DDX5: variants seen among roughly 807,000 people sequenced by gnomAD.
DDX5 encodes DEAD-box helicase 5.
Under a neutral mutation model 68.6 loss-of-function variants are expected in DDX5, and 6 were observed. That is an observed-to-expected ratio of 0.09 (90% CI 0.05 to 0.17). The LOEUF (loss-of-function observed/expected upper bound fraction) is 0.17. DDX5 is among the 10% of genes least tolerant of loss of function. The pLI, the probability that DDX5 is intolerant of heterozygous loss-of-function variation, is 1.00. For missense variants in DDX5, 499 were observed against 756.1 expected, an observed-to-expected ratio of 0.66 and a Z score of 3.99; for synonymous variants, 350 against 247.0, an observed-to-expected ratio of 1.42 and a Z score of -3.91.
intron 7 of DDX5, 24 bp from the exon 8 acceptor site, chr17:64,503,122 T>A (rs1555671419): frequency 6.2e-7 from 1 of 1,611,322 alleles, no homozygotes; most frequent in South Asian, 1.1e-5. Flanking sequence ...GGGGGAAAAA[T>A]TAGTATCAGA....
At chr17:64,504,388 C>A (rs1489446971) in intron 2 of DDX5, 70 bp from the exon 3 acceptor site, 1 of 1,316,446 alleles carries the variant, frequency 7.6e-7, no homozygotes, top group Non-Finnish European at 1.1e-6. Context: ...AATTGATAAG[C>A]CCCTAACTTC....
Position 64,499,570 on chromosome 17 carries a change from A to G in DDX5, c.*353T>C, listed in dbSNP as rs377133060. On this transcript the variant is annotated 3_prime_UTR_variant, in exon 13 of 13. Coordinates refer to ENST00000225792, the MANE Select transcript of DDX5 (RefSeq NM_004396.5). ...ACAAAAAAAAAACCAGACCATCTTA[A>G]GCAAAGTTTTACATGACATTATATA... The G allele has an allele frequency of 4.4e-3, 1,063 of 242,532 alleles. 1 individual carries two copies. Among genetic ancestry groups the G allele is most frequent in the Middle Eastern group, 0.011 (9 of 816 alleles). 15.0% of individuals were successfully genotyped at this position (242,532 alleles called of 1,614,324 possible).
At chr17:64,504,410 A>G in intron 2 of DDX5, 92 bp from the exon 3 acceptor site, 1 of 1,187,372 alleles carries the variant, frequency 8.4e-7, no homozygotes, top group South Asian at 1.3e-5. Flanking sequence ...TAATTTAGTA[A>G]CTAGTTTAAA....
At position 64,500,645 on chromosome 17, in the gene DDX5, T is replaced by C. The variant is rs781825945; in HGVS notation, c.1345A>G (p.Asn449Asp). The change falls in exon 12 of 13, where the codon AAC (asparagine) becomes GAC (aspartate). Residue 449 changes from asparagine (N) to aspartate (D), a missense_variant. This residue lies in a region of DDX5 where 21 missense variants were observed against 37.6 expected (regional missense o/e 0.56). Transcript: ENST00000225792. ...ATAAGGTCGCTCACTTGCTTTATGTTATTAGGTGTAAAGAAAGTGTATGCT... is the reference window on the plus strand; with the variant it reads ...ATAAGGTCGCTCACTTGCTTTATGTCATTAGGTGTAAAGAAAGTGTATGCT... ...GTAYTFFTPN[N>D]IKQVSDLISV... 2.5e-6 allele frequency: 4 copies of C among 1,614,218 alleles called. No individual in the cohort carries two copies. Among genetic ancestry groups the C allele is most frequent in the South Asian group, 1.1e-5 (1 of 91,080 alleles).
chr17:64,505,575 G>A (rs538322863), intron 1 of DDX5: 12 of 714,836 alleles, frequency 1.7e-5, no homozygotes, highest in African/African-American at 1.4e-4. Flanking sequence ...GCCGGGCGGG[G>A]TAACAAAGGC....
chr17:64,506,809 C>G (rs1555673002), upstream of DDX5: 2 of 571,482 alleles, frequency 3.5e-6, no homozygotes, highest in Non-Finnish European at 3.2e-6. Context: ...CTGATGTGGA[C>G]CGTCCGACCC....
rs915606248 is a variant in DDX5, at chr17:64,505,381, A to G, written c.45-539T>C. On this transcript the variant is annotated intron_variant, in intron 1 of 12. Transcript: ENST00000225792. Reference sequence around the variant, plus strand: ...GGGGAACGCCGCGGTAGAGCTCCGGATCAACGAATCAAAATTATATAACGC... The same window carrying G: ...GGGGAACGCCGCGGTAGAGCTCCGGGTCAACGAATCAAAATTATATAACGC... 3 of 461,976 alleles carry G rather than the reference A, an allele frequency of 6.5e-6. No homozygotes were observed. The East Asian group carries it at 1.1e-4, about 18-fold the overall frequency. 28.6% of individuals were successfully genotyped at this position (461,976 alleles called of 1,614,324 possible). A position where few individuals can be genotyped will look rare whatever the true frequency, so the allele number is the denominator to read the frequency against.
In DDX5 at chr17:64,504,089, T is replaced by C; in HGVS notation, c.335A>G (p.Gln112Arg). The C allele has an allele frequency of 1.2e-6, 2 of 1,614,160 alleles. No homozygotes were observed. The highest frequency in any genetic ancestry group is 1.1e-5 in the South Asian group (1 of 91,088). The change falls in exon 4 of 13, where the codon CAG becomes CGG. Residue 112 changes from glutamine (Q) to arginine (R), a missense_variant. Around this residue, in one of 5 missense-constraint regions of DDX5, gnomAD observed 140 missense variants for 135.7 expected, o/e 1.03. Transcript: ENST00000225792. Reference sequence around the variant, plus strand: ...AATAGCAGTGGGTTCAGTGAAATTCTGTCTTGCAATAACATCCATGACATT... The same window carrying C: ...AATAGCAGTGGGTTCAGTGAAATTCCGTCTTGCAATAACATCCATGACATT... The part of the protein sequence containing the change: ...PANVMDVIAR[Q>R]NFTEPTAIQA...
At chr17:64,502,671 C>T (rs1319239015) in intron 8 of DDX5, 122 bp from the exon 9 acceptor site, 18 of 781,660 alleles carry the variant, frequency 2.3e-5, no homozygotes, top group Non-Finnish European at 3.3e-5. Flanking sequence ...AGAGGAAACG[C>T]CTGCTAATCC....
intron 1 of DDX5, chr17:64,505,572 G>T: frequency 1.5e-6 from 1 of 685,774 alleles, no homozygotes; most frequent in South Asian, 1.7e-5. Flanking sequence ...TCCGCCGGGC[G>T]GGGTAACAAA....
chr17:64,506,019 G>GTGGCCCCCC, intron 1 of DDX5, 57 bp downstream of exon 1: 2 of 1,360,444 alleles, frequency 1.5e-6, no homozygotes, highest in Non-Finnish European at 2.0e-6. Context: ...CCGCCACCCT[G>GTGGCCCCCC]ACCCGCCCTC....
At chr17:64,505,507 T>C in intron 1 of DDX5, 1 of 594,476 alleles carries the variant, frequency 1.7e-6, no homozygotes, top group South Asian at 2.0e-5. Context: ...GCTTCCCCCT[T>C]TGTCTCGCAT....
chr17:64,503,445 G>A lies in DDX5; in HGVS notation c.634C>T (p.Arg212Cys), dbSNP rs782603313. ...YGGAPKGPQI[R>C]DLERGVEICI... The stretch of plus-strand genomic sequence containing the variant: ...CATTACATACCTCTCTCCAAATCAC[G>A]TATTTGTGGTCCCTTAGGAGCACCA... The change falls in exon 6 of 13, where the codon CGT becomes TGT. Residue 212 changes from arginine (R) to cysteine (C), a missense_variant. By Grantham distance (180) the Arg-to-Cys change is radical. Around this residue, in one of 5 missense-constraint regions of DDX5, gnomAD observed 141 missense variants for 279.8 expected, o/e 0.50. Coordinates refer to ENST00000225792, the MANE Select transcript of DDX5 (RefSeq NM_004396.5). 10 of 1,613,976 alleles carry A rather than the reference G, an allele frequency of 6.2e-6. No individual in the cohort carries two copies. Among genetic ancestry groups the A allele is most frequent in the East Asian group, 2.2e-5 (1 of 44,892 alleles).
Position 64,503,111 on chromosome 17 carries a change from G to A in DDX5, c.811-13C>T. The A allele has an allele frequency of 6.2e-7, 1 of 1,611,334 alleles. No homozygotes were observed. Reference sequence around the variant, plus strand: ...TTTGCCTATCAGGCTAATGGATTTTGGGGGGAAAAATTAGTATCAGACTCT... The same window carrying A: ...TTTGCCTATCAGGCTAATGGATTTTAGGGGGAAAAATTAGTATCAGACTCT... On this transcript the variant is annotated splice_polypyrimidine_tract_variant and intron_variant, in intron 7 of 12. Coordinates refer to ENST00000225792, the MANE Select transcript of DDX5 (RefSeq NM_004396.5).
In DDX5 at chr17:64,499,535, C is replaced by A. The variant is rs60647527; in HGVS notation, c.*388G>T. 1,513 of 153,032 alleles carry A rather than the reference C, an allele frequency of 9.9e-3. 22 individuals carry two copies. The African/African-American group carries it at 0.19, about 20-fold the overall frequency. 9.5% of individuals were successfully genotyped at this position (153,032 alleles called of 1,614,324 possible). ...CATTTGTTTTCATGGAAAAAAAAAA[C>A]CAAACAAAAACAAAAAAAAAACCAG... On this transcript the variant is annotated 3_prime_UTR_variant, in exon 13 of 13. Coordinates refer to ENST00000225792, the MANE Select transcript of DDX5 (RefSeq NM_004396.5).
upstream of DDX5, chr17:64,506,382 C>A (rs905348334): frequency 5.0e-6 from 7 of 1,411,562 alleles, no homozygotes; most frequent in Admixed American, 2.9e-5. Context: ...AATCGCCCCG[C>A]CCCTCGCGCA....
In DDX5 at chr17:64,503,608, A is replaced by G. The variant is rs1317498618; in HGVS notation, c.508-37T>C. On this transcript the variant is annotated intron_variant, in intron 5 of 12. Transcript: ENST00000225792. ...GAAACAGCTTTCAGCACAAACCTGG[A>G]TACTAGTTTTAAACTGCTAACTTAT... The G allele has an allele frequency of 2.5e-6, 4 of 1,609,514 alleles. No homozygotes were observed. In the Admixed American group the frequency reaches 6.8e-5, roughly 27 times the overall value.
At chr17:64,501,918 A>G (rs1479594445) in intron 11 of DDX5, 92 bp downstream of exon 11, 12 of 1,338,134 alleles carry the variant, frequency 9.0e-6, no homozygotes, top group Non-Finnish European at 1.3e-5. Context: ...ACTTAGAAAA[A>G]ATGCAGGTTA....
rs544755669 is a variant in DDX5 at position 64,499,700 on chromosome 17, T to A, written c.*223A>T. The A allele has an allele frequency of 2.2e-6, 1 of 449,304 alleles. No homozygotes were observed. Among genetic ancestry groups the A allele is most frequent in the East Asian group, 3.3e-5 (1 of 30,466 alleles). The allele number at this position is 449,304 out of a possible 1,614,324, so 27.8% of individuals were successfully genotyped here. ...TTTCAAATCACTGTACATTTACTTT[T>A]GTGAAAACACTGCCTGCATTTTCTA... is the stretch of plus-strand genomic sequence containing the variant. On this transcript the variant is annotated 3_prime_UTR_variant, in exon 13 of 13. Coordinates refer to ENST00000225792, the MANE Select transcript of DDX5 (RefSeq NM_004396.5).
Sources: allele counts gnomAD v4.1 joint callset, GRCh38; gene constraint gnomAD v4.1.1; regional missense constraint gnomAD v4.1.1; transcripts MANE v1.5; gene names NCBI Gene and HGNC (gene_info 2026-07-23, HGNC 2026-07-21).